Variants in NADK observed in about 807,000 individuals in gnomAD.
NADK encodes the protein poly(P)/ATP NAD kinase.
NADK carries 22 observed loss-of-function variants against 49.8 expected under a neutral mutation model. That is an observed-to-expected ratio of 0.44 (90% CI 0.32 to 0.63). NADK has a LOEUF of 0.63. Ranked by LOEUF, NADK falls within the 30% of genes least tolerant of loss-of-function variation. The probability of loss-of-function intolerance (pLI) is 0.06; values close to 1 mark genes in which losing one functional copy is unlikely to be tolerated. For synonymous variants in NADK, 268 were observed against 253.7 expected (o/e 1.06, Z -0.54); for missense variants, 438 against 609.4 (o/e 0.72, Z 2.96).
chr1:1,755,119 G>A (rs1343744926), intron 7 of NADK, among the ~76,000 whole-genome samples: 2 of 152,088 alleles, frequency 1.3e-5, no homozygotes, highest in African/African-American at 2.4e-5. Context: ...GCGCCCGGCC[G>A]ACACTTCTGT....
rs542501058 is a variant in NADK at position 1,761,664 on chromosome 1, C to T, written c.263+288G>A. On this transcript the variant is annotated intron_variant, in intron 3 of 11. Transcript: ENST00000341426. ...GTGACCCGGTCTCCAGGCCCCGGCT[C>T]GCCTGCCGTCCACTTTCTCAAAGCC... 38 of 332,276 alleles carry T rather than the reference C, an allele frequency of 1.1e-4. 1 individual carries two copies. The South Asian group carries it at 1.4e-3, about 12-fold the overall frequency. The allele number at this position is 332,276 out of a possible 1,614,324, so 20.6% of individuals were successfully genotyped here.
intron 1 of NADK, among the ~76,000 whole-genome samples, chr1:1,774,371 C>T (rs1349424069): frequency 6.6e-6 from 1 of 152,150 alleles, no homozygotes; most frequent in African/African-American, 2.4e-5. Context: ...GCTGGGACTA[C>T]AGGTGTGCGC....
intron 1 of NADK, among the ~76,000 whole-genome samples, chr1:1,771,952 C>T (rs914124560): frequency 6.7e-6 from 1 of 150,044 alleles, no homozygotes; most frequent in Non-Finnish European, 1.5e-5. Context: ...GGATTACAGG[C>T]ATGCACCACC....
intron 1 of NADK, among the ~76,000 whole-genome samples, chr1:1,768,021 A>G (rs1645936623): frequency 6.6e-6 from 1 of 152,078 alleles, no homozygotes; most frequent in African/African-American, 2.4e-5. Flanking sequence ...AAATACAAAA[A>G]TTAGCCGGGC....
At chr1:1,759,087 C>T (rs781115735) in intron 3 of NADK, 1 of 1,518,804 alleles carries the variant, frequency 6.6e-7, no homozygotes, top group African/African-American at 1.4e-5. Flanking sequence ...TCCCCGCCAA[C>T]AGTCACCACT....
At chr1:1,758,097 G>A (rs985555694) in intron 3 of NADK, among the ~76,000 whole-genome samples, 11 of 152,194 alleles carry the variant, frequency 7.2e-5, no homozygotes, top group East Asian at 1.9e-4. Context: ...AAGGGAGGGC[G>A]CAGCGGGGCT....
chr1:1,758,430 C>G, intron 3 of NADK: 1 of 1,612,210 alleles, frequency 6.2e-7, no homozygotes, highest in Non-Finnish European at 8.5e-7. Context: ...CAGCACCTGC[C>G]GGGTCACACA....
At chr1:1,758,395 T>A in intron 3 of NADK, 1 of 1,611,160 alleles carries the variant, frequency 6.2e-7, no homozygotes, top group Non-Finnish European at 8.5e-7. Context: ...AGGCGTGGGG[T>A]CACTCATGCC....
At chr1:1,764,872 G>T (rs1261130843) in intron 2 of NADK, among the ~76,000 whole-genome samples, 1 of 152,252 alleles carries the variant, frequency 6.6e-6, no homozygotes, top group East Asian at 1.9e-4. Context: ...CTGCACTCCA[G>T]CTTGGGGGAC....
chr1:1,755,508 C>A (rs1370343643), intron 6 of NADK, 32 bp from the exon 7 acceptor site: 2 of 1,528,022 alleles, frequency 1.3e-6, no homozygotes, highest in Non-Finnish European at 1.8e-6. Context: ...ACTCAGTGCC[C>A]ACGCCGTGCA....
intron 3 of NADK, chr1:1,758,535 T>C: frequency 1.2e-6 from 2 of 1,605,312 alleles, no homozygotes; most frequent in African/African-American, 1.3e-5. Flanking sequence ...GCCCCATCGG[T>C]ATGGTCCTGA....
At chr1:1,764,499 C>T (rs1284951033) in intron 2 of NADK, among the ~76,000 whole-genome samples, 1 of 152,230 alleles carries the variant, frequency 6.6e-6, no homozygotes, top group Non-Finnish European at 1.5e-5. Flanking sequence ...ACGCTCATAA[C>T]TCTGCCTCCA....
intron 1 of NADK, among the ~76,000 whole-genome samples, chr1:1,773,332 G>A (rs955773477): frequency 1.9e-5 from 2 of 103,792 alleles, no homozygotes; most frequent in Non-Finnish European, 4.8e-5. Context: ...TAGAGATGGG[G>A]TTTCACCATG....
At position 1,755,283 on chromosome 1, in the gene NADK, C is replaced by T. The variant is rs182171660; in HGVS notation, c.688+91G>A. The T allele has an allele frequency of 5.1e-5, 44 of 867,094 alleles. No homozygotes were observed. In the African/African-American group the frequency reaches 6.5e-4, roughly 13 times the overall value. The allele number at this position is 867,094 out of a possible 1,614,324, so 53.7% of individuals were successfully genotyped here. A position where few individuals can be genotyped will look rare whatever the true frequency, so the allele number is the denominator to read the frequency against. ...TGAAACCTTTAAATGTTGCTCCATG[C>T]ATCATTAAATGAAAATAAACCCCCC... On this transcript the variant is annotated intron_variant, in intron 7 of 11. Coordinates refer to ENST00000341426, the MANE Select transcript of NADK (RefSeq NM_023018.5).
rs1645528056 is a variant in NADK at position 1,756,534 on chromosome 1, T to C, written c.468A>G (p.Ala156=). Residue 156 remains alanine, a synonymous_variant, in exon 5 of 12, where the codon GCA becomes GCG. Coordinates refer to ENST00000341426, the MANE Select transcript of NADK (RefSeq NM_023018.5). ...GAAAGGTACAGAATTTCTTCTTCAC[T>C]GCCCCAAAGCTTTCATCGCTGGCGA... ...PAIASDESFG[A]VKKKFCTFRE... is the part of the protein sequence containing the mutation. The C allele has an allele frequency of 6.2e-7, 1 of 1,613,988 alleles. No homozygotes were observed. The highest frequency in any genetic ancestry group is 1.3e-5 in the African/African-American group (1 of 74,936).
intron 2 of NADK, among the ~76,000 whole-genome samples, chr1:1,762,922 T>G (rs970190813): frequency 1.3e-5 from 2 of 152,240 alleles, no homozygotes. Context: ...TCAGGACCGC[T>G]GTGCTCCTCA....
chr1:1,764,125 G>C (rs1328583359), intron 2 of NADK, among the ~76,000 whole-genome samples: 2 of 152,136 alleles, frequency 1.3e-5, no homozygotes, highest in East Asian at 3.9e-4. Context: ...GGAGTAGCCT[G>C]TTTCTCCACG....
chr1:1,768,903 C>T lies in NADK; in HGVS notation c.-40-3457G>A, dbSNP rs142284158. On this transcript the variant is annotated intron_variant, in intron 1 of 11. Transcript: ENST00000341426. ...GGCCCTATGCTACGGTCAAAGCCAACGGGTTCTCTGAATACCCAAAAGCTG... is the reference window on the plus strand; with the variant it reads ...GGCCCTATGCTACGGTCAAAGCCAATGGGTTCTCTGAATACCCAAAAGCTG... Among the ~76,000 whole-genome samples, 18 of 152,296 alleles carry T rather than the reference C, an allele frequency of 1.2e-4. No homozygotes were observed. The East Asian group carries it at 2.5e-3, about 21-fold the overall frequency.
rs376387032 is a variant in NADK at position 1,754,641 on chromosome 1, C to T, written c.746G>A (p.Arg249Gln). Residue 249 changes from arginine (R) to glutamine (Q), a missense_variant, in exon 8 of 12, where the codon CGG becomes CAG. Physicochemically the swap from Arg to Gln is conservative, Grantham distance 43. Transcript: ENST00000341426. This position sits in a 1 kb window ranked among gnomAD's most constrained non-coding sequence, Gnocchi z 4.3. ...ATTGTGCACGGCCGTCTTCTTCCCC[C>T]GGAGCTCCTTCACCACCCTGACCTT... Reference protein sequence around the residue: ...RLKVRVVKELRGKKTAVHNGL... With the variant: ...RLKVRVVKELQGKKTAVHNGL... 4.2e-5 allele frequency: 67 copies of T among 1,614,010 alleles called. No homozygotes were observed. The highest frequency in any genetic ancestry group is 4.9e-5 in the Non-Finnish European group (58 of 1,179,992).
Sources: allele counts gnomAD v4.1 joint callset (sites outside exome capture counted in the v4.1 genomes callset), GRCh38; gene constraint gnomAD v4.1.1; non-coding constraint Gnocchi (gnomAD v3.1); transcripts MANE v1.5; gene names NCBI Gene and HGNC (gene_info 2026-07-23, HGNC 2026-07-21).